Variants in IGDCC3 observed in about 807,000 individuals in gnomAD.
The protein encoded by IGDCC3 is putative neuronal cell adhesion molecule.
A neutral mutation model predicts 72.0 loss-of-function variants in IGDCC3; 47 were observed. The observed-to-expected ratio is 0.65, with a 90% CI of 0.52 to 0.83. The LOEUF (loss-of-function observed/expected upper bound fraction) is 0.83. IGDCC3 is among the 40% of genes least tolerant of loss of function. The pLI, the probability that IGDCC3 is intolerant of heterozygous loss-of-function variation, is 0.00. For synonymous variants in IGDCC3, 477 were observed against 472.8 expected (o/e 1.01, Z -0.11); for missense variants, 1,038 against 1,091.3 (o/e 0.95, Z 0.69).
rs1275698695 is a variant in IGDCC3, at chr15:65,368,322, C to T, written c.409+6775G>A. 2.0e-5 allele frequency among the ~76,000 whole-genome samples: 3 copies of T among 152,010 alleles called. No homozygotes were observed. The South Asian group carries it at 6.2e-4, about 32-fold the overall frequency. ...ACAGAGGGTTAAGGGGGGCTGGGGG[C>T]CTGTTTCATTTGCAGGCTGCAAATG... On this transcript the variant is annotated intron_variant, in intron 2 of 13. Coordinates refer to ENST00000327987, the MANE Select transcript of IGDCC3 (RefSeq NM_004884.4).
Position 65,333,261 on chromosome 15 carries a change from C to A in IGDCC3, c.978G>T (p.Val326=). 6.2e-7 allele frequency: 1 copy of A among 1,603,418 alleles called. No individual in the cohort carries two copies. Among genetic ancestry groups the A allele is most frequent in the Non-Finnish European group, 8.5e-7 (1 of 1,175,142 alleles). The change falls in exon 6 of 14, where the codon GTG becomes GTT. Residue 326 remains valine (V), a synonymous_variant. Transcript: ENST00000327987. Reference sequence around the variant, plus strand: ...TCAGGGTTGGCTGATCCATACCTTGCACCACCAGCCGGCCCTGTGCCGTTC... The same window carrying A: ...TCAGGGTTGGCTGATCCATACCTTGAACCACCAGCCGGCCCTGTGCCGTTC... The part of the protein sequence containing the change: ...VRRTAQGRLV[V]QAPAEFVQHP...
At chr15:65,362,223 TTTAATC>T (rs2091266598) in intron 2 of IGDCC3, among the ~76,000 whole-genome samples, 1 of 152,008 alleles carries the variant, frequency 6.6e-6, no homozygotes, top group African/African-American at 2.4e-5. Context: ...TTAGGAATGT[TTTAATC>T]TGGTCTCCCC....
At chr15:65,355,252 A>T (rs938257735) in intron 2 of IGDCC3, among the ~76,000 whole-genome samples, 9 of 152,074 alleles carry the variant, frequency 5.9e-5, no homozygotes, top group Admixed American at 1.3e-4. Context: ...CGAGAGCCGC[A>T]GTGGCTAGGC....
chr15:65,376,967 C>A (rs2091362753), intron 1 of IGDCC3, among the ~76,000 whole-genome samples: 2 of 152,282 alleles, frequency 1.3e-5, no homozygotes, highest in South Asian at 4.1e-4. Flanking sequence ...CTCCAGGCAG[C>A]AGAACCGGCG....
chr15:65,342,805 G>A (rs2091093773), intron 2 of IGDCC3, among the ~76,000 whole-genome samples: 1 of 152,346 alleles, frequency 6.6e-6, no homozygotes, highest in African/African-American at 2.4e-5. Context: ...AAAGATTTCT[G>A]TTCCCAGTGG....
intron 2 of IGDCC3, among the ~76,000 whole-genome samples, chr15:65,348,229 C>T (rs1489310138): frequency 1.3e-5 from 2 of 152,228 alleles, no homozygotes; most frequent in Non-Finnish European, 2.9e-5. Flanking sequence ...TGGGGCCGCT[C>T]TGTCTATGCA....
rs1264836485 is a variant in IGDCC3, at chr15:65,332,064, G to T, written c.1025C>A (p.Pro342Gln). The change falls in exon 7 of 14, where the codon CCA becomes CAA. Residue 342 changes from proline to glutamine, a missense_variant. By Grantham distance (76) the Pro-to-Gln change is moderately conservative. Coordinates refer to ENST00000327987, the MANE Select transcript of IGDCC3 (RefSeq NM_004884.4). The part of the protein sequence containing the change: ...FVQHPQSISR[P>Q]AGTTAMFTCQ... ...GGTGAACATGGCTGTGGTCCCAGCT[G>T]GCCTGGAGATGGACTGGGGATGCTG... 3 of 1,614,010 alleles carry T rather than the reference G, an allele frequency of 1.9e-6. No homozygotes were observed. Among genetic ancestry groups the T allele is most frequent in the Non-Finnish European group, 2.5e-6 (3 of 1,180,014 alleles).
chr15:65,366,714 C>G (rs557542177), intron 2 of IGDCC3, among the ~76,000 whole-genome samples: 30 of 152,232 alleles, frequency 2.0e-4, no homozygotes, highest in African/African-American at 7.2e-4. Flanking sequence ...TTAAGCCCAC[C>G]CCGGCCCCTG....
chr15:65,354,912 C>CG (rs2091203551), intron 2 of IGDCC3, among the ~76,000 whole-genome samples: 1 of 152,334 alleles, frequency 6.6e-6, no homozygotes, highest in African/African-American at 2.4e-5. Context: ...TGCAGATTTC[C>CG]GGACCCTGCT....
chr15:65,367,094 A>G (rs1057049256), intron 2 of IGDCC3, among the ~76,000 whole-genome samples: 3 of 152,214 alleles, frequency 2.0e-5, no homozygotes, highest in Non-Finnish European at 4.4e-5. Flanking sequence ...CTGTAATCCC[A>G]GCACTTTGGG....
At chr15:65,332,236 C>A in intron 6 of IGDCC3, 130 bp from the exon 7 acceptor site, 2 of 1,092,580 alleles carry the variant, frequency 1.8e-6, no homozygotes, top group East Asian at 5.2e-5. Context: ...CATCTGCCCC[C>A]TGGAGACTCC....
At chr15:65,338,099 A>C (rs1326544562) in intron 2 of IGDCC3, among the ~76,000 whole-genome samples, 1 of 152,196 alleles carries the variant, frequency 6.6e-6, no homozygotes, top group African/African-American at 2.4e-5. Flanking sequence ...AAGCAGCCAC[A>C]GCACAGTTGG....
chr15:65,338,014 G>T (rs1049191599), intron 2 of IGDCC3, among the ~76,000 whole-genome samples: 7 of 152,230 alleles, frequency 4.6e-5, no homozygotes, highest in South Asian at 4.1e-4. Context: ...GGAAAGGGCT[G>T]CCTCTTATCA....
intron 2 of IGDCC3, among the ~76,000 whole-genome samples, chr15:65,365,978 C>T (rs377133175): frequency 6.6e-6 from 1 of 152,140 alleles, no homozygotes; most frequent in African/African-American, 2.4e-5. Flanking sequence ...GAGGCTGAGA[C>T]GGGTGGACCA....
At chr15:65,374,634 G>A (rs1422106318) in intron 2 of IGDCC3, among the ~76,000 whole-genome samples, 1 of 151,842 alleles carries the variant, frequency 6.6e-6, no homozygotes, top group Non-Finnish European at 1.5e-5. Flanking sequence ...GTATATAGAG[G>A]TCTTATCCTA....
chr15:65,330,829 C>A, intron 9 of IGDCC3, 88 bp from the exon 10 acceptor site: 1 of 1,216,600 alleles, frequency 8.2e-7, no homozygotes. Flanking sequence ...CCCCCAAAAG[C>A]CTGACAGCCC....
intron 9 of IGDCC3, 119 bp downstream of exon 9, chr15:65,330,929 CCT>C: frequency 3.2e-6 from 4 of 1,240,372 alleles, no homozygotes; most frequent in Non-Finnish European, 4.5e-6. Context: ...TAGACTCAGC[CCT>C]GACAGCCTCA....
chr15:65,360,938 G>A (rs899059804), intron 2 of IGDCC3, among the ~76,000 whole-genome samples: 2 of 152,090 alleles, frequency 1.3e-5, no homozygotes, highest in African/African-American at 4.8e-5. Context: ...ACCATGCCTG[G>A]CTAATTTTGT....
Position 65,377,835 on chromosome 15 carries a change from C to G in IGDCC3, c.-47G>C. The G allele has an allele frequency of 8.7e-7, 1 of 1,147,292 alleles. No homozygotes were observed. The highest frequency in any genetic ancestry group is 1.1e-6 in the Non-Finnish European group (1 of 934,284). The allele number at this position is 1,147,292 out of a possible 1,614,324, so 71.1% of individuals were successfully genotyped here. A position where few individuals can be genotyped will look rare whatever the true frequency, so the allele number is the denominator to read the frequency against. On this transcript the variant is annotated 5_prime_UTR_variant, in exon 1 of 14. Coordinates refer to ENST00000327987, the MANE Select transcript of IGDCC3 (RefSeq NM_004884.4). This position sits in a 1 kb window ranked among gnomAD's most constrained non-coding sequence, Gnocchi z 4.9. ...TCGGCGACGCGCGGCTCCCGGGCCT[C>G]TCGCGGCTCACAGCGTCCCGCGGGG...
Sources: allele counts gnomAD v4.1 joint callset (sites outside exome capture counted in the v4.1 genomes callset), GRCh38; gene constraint gnomAD v4.1.1; non-coding constraint Gnocchi (gnomAD v3.1); transcripts MANE v1.5; gene names NCBI Gene and HGNC (gene_info 2026-07-23, HGNC 2026-07-21).